Variants in RBMS2 observed in about 807,000 individuals in gnomAD.
RBMS2 encodes the protein RNA-binding motif, single-stranded-interacting protein 2.
RBMS2 carries 38 observed loss-of-function variants against 58.4 expected under a neutral mutation model. That is an observed-to-expected ratio of 0.65 (90% CI 0.50 to 0.85). RBMS2 has a LOEUF of 0.85. Among genes scored for constraint, RBMS2 ranks in the 40% least tolerant of loss-of-function variants. The pLI is 0.00. For missense variants in RBMS2, 367 were observed against 503.7 expected, an observed-to-expected ratio of 0.73 and a Z score of 2.60; for synonymous variants, 151 against 180.7, an observed-to-expected ratio of 0.84 and a Z score of 1.32.
intron 5 of RBMS2, chr12:56,573,141 A>C (rs1315412694): frequency 4.7e-5 from 46 of 984,356 alleles, no homozygotes; most frequent in Non-Finnish European, 5.4e-5. Flanking sequence ...TGGTCCGTGA[A>C]CACCCCCTTA....
intron 5 of RBMS2, among the ~76,000 whole-genome samples, chr12:56,579,550 T>C (rs192998780): frequency 0.013 from 1,901 of 150,848 alleles, 22 homozygotes; most frequent in Non-Finnish European, 0.016. Context: ...AGGAGAATGG[T>C]GTGAACCCAG....
Position 56,522,045 on chromosome 12 carries a change from A to G in RBMS2, c.22A>G (p.Arg8Gly). Residue 8 changes from arginine (R) to glycine (G), a missense_variant, in exon 1 of 14, where the codon AGG (arginine) becomes GGG (glycine). Transcript: ENST00000262031. MLLSVTS[R>G]PGISTFGYNR... The stretch of plus-strand genomic sequence containing the variant: ...GAAAATGCTGCTATCCGTGACTTCC[A>G]GGCCCGGGATTTCGACTTTTGGCTA... The G allele has an allele frequency of 1.9e-6, 3 of 1,590,856 alleles. No individual in the cohort carries two copies. The highest frequency in any genetic ancestry group is 2.6e-6 in the Non-Finnish European group (3 of 1,164,204).
At chr12:56,538,639 GC>G (rs59118564) in intron 1 of RBMS2, among the ~76,000 whole-genome samples, 7,597 of 151,740 alleles carry the variant, frequency 0.05, 632 homozygotes, top group African/African-American at 0.17. Context: ...CTGCCACCAA[GC>G]CCGGCTAATT....
intron 9 of RBMS2, among the ~76,000 whole-genome samples, chr12:56,582,434 T>G (rs899483243): frequency 6.6e-6 from 1 of 152,168 alleles, no homozygotes; most frequent in Non-Finnish European, 1.5e-5. Context: ...AATACACATA[T>G]GTATAGCATT....
Position 56,582,030 on chromosome 12 carries a change from T to A in RBMS2, c.780-29T>A, listed in dbSNP as rs771059388. ...CCCTTCCCTTGTGGTTTCCTGTGAC[T>A]CAGTACTGATTGAGGTTCCTTCCCA... On this transcript the variant is annotated intron_variant, in intron 8 of 13. Transcript: ENST00000262031. The A allele has an allele frequency of 1.1e-5, 18 of 1,578,144 alleles. No individual in the cohort carries two copies. In the Admixed American group the frequency reaches 3.1e-4, roughly 27 times the overall value.
chr12:56,561,764 C>CG (rs1880450133), intron 1 of RBMS2, among the ~76,000 whole-genome samples: 1 of 38,928 alleles, frequency 2.6e-5, no homozygotes, highest in African/African-American at 5.1e-5. Flanking sequence ...ATCCACCCCC[C>CG]CCCTCCTTGG....
At chr12:56,581,763 G>A (rs1017940495) in intron 7 of RBMS2, 70 bp from the exon 8 acceptor site, 1 of 1,539,478 alleles carries the variant, frequency 6.5e-7, no homozygotes, top group Non-Finnish European at 9.0e-7. Flanking sequence ...TCCCAGCCTT[G>A]GACATTCTGG....
chr12:56,586,789 G>A (rs1466737477), intron 9 of RBMS2, 60 bp from the exon 10 acceptor site: 1 of 1,395,186 alleles, frequency 7.2e-7, no homozygotes, highest in African/African-American at 1.4e-5. Context: ...AACATTATTA[G>A]ATCTGTGGGC....
At chr12:56,533,187 A>C (rs933237590) in intron 1 of RBMS2, among the ~76,000 whole-genome samples, 1 of 151,848 alleles carries the variant, frequency 6.6e-6, no homozygotes, top group Admixed American at 6.6e-5. Context: ...TGCAGCCTGG[A>C]ACTCCTGGGC....
chr12:56,565,369 G>GT (rs1565761018), intron 2 of RBMS2, among the ~76,000 whole-genome samples: 1 of 150,112 alleles, frequency 6.7e-6, no homozygotes, highest in African/African-American at 2.5e-5. Flanking sequence ...TATTTTTTTA[G>GT]TTTTTTTTCC....
chr12:56,543,018 G>A (rs1876425403), intron 1 of RBMS2, among the ~76,000 whole-genome samples: 1 of 151,944 alleles, frequency 6.6e-6, no homozygotes, highest in African/African-American at 2.4e-5. Flanking sequence ...CAATTCTCCT[G>A]TCTCAGCCTC....
Position 56,588,354 on chromosome 12 carries a change from T to C in RBMS2, c.1123T>C (p.Ser375Pro), listed in dbSNP as rs989211939. ...AYISQYTPVP[S>P]SSVSVEESSG... The stretch of plus-strand genomic sequence containing the variant: ...CATCTCCCAGTACACCCCTGTGCCT[T>C]CTTCCAGTGTTTCAGTCGAGGTAAG... The change falls in exon 12 of 14, where the codon TCT becomes CCT. Residue 375 changes from serine (S) to proline (P), a missense_variant. Physicochemically the swap from Ser to Pro is moderately conservative, Grantham distance 74. Coordinates refer to ENST00000262031, the MANE Select transcript of RBMS2 (RefSeq NM_002898.4). 1.2e-6 allele frequency: 2 copies of C among 1,613,304 alleles called. No homozygotes were observed. The highest frequency in any genetic ancestry group is 2.2e-5 in the East Asian group (1 of 44,880).
intron 1 of RBMS2, 91 bp from the exon 2 acceptor site, chr12:56,562,326 G>T: frequency 8.1e-7 from 1 of 1,237,386 alleles, no homozygotes; most frequent in Non-Finnish European, 1.1e-6. Context: ...TATATAGTTT[G>T]GAATCATTTT....
chr12:56,531,058 G>A (rs1175920120), intron 1 of RBMS2, among the ~76,000 whole-genome samples: 1 of 151,934 alleles, frequency 6.6e-6, no homozygotes, highest in Non-Finnish European at 1.5e-5. Context: ...GCCCCAGAGG[G>A]GACTGTTTTT....
intron 1 of RBMS2, among the ~76,000 whole-genome samples, chr12:56,525,956 C>T (rs1396736480): frequency 6.6e-6 from 1 of 151,998 alleles, no homozygotes. Flanking sequence ...AGCCACCACG[C>T]CCTACCTATA....
chr12:56,568,883 A>G, intron 2 of RBMS2, 92 bp from the exon 3 acceptor site: 1 of 1,097,444 alleles, frequency 9.1e-7, no homozygotes, highest in Non-Finnish European at 1.3e-6. Context: ...TAGATCATGG[A>G]AAGGGCATGG....
intron 1 of RBMS2, among the ~76,000 whole-genome samples, chr12:56,536,148 T>C (rs7303839): frequency 7.4e-6 from 1 of 135,476 alleles, no homozygotes; most frequent in Non-Finnish European, 1.5e-5. Context: ...TGCAGTGAGC[T>C]GAGATCACGC....
At chr12:56,575,453 C>T (rs1420473671) in intron 5 of RBMS2, among the ~76,000 whole-genome samples, 3 of 151,708 alleles carry the variant, frequency 2.0e-5, no homozygotes, top group Non-Finnish European at 4.4e-5. Flanking sequence ...TAAATCAATA[C>T]AGGAATATGG....
At chr12:56,521,794 A>G, upstream of RBMS2, 1 of 527,046 alleles carries the variant, frequency 1.9e-6, no homozygotes, top group Non-Finnish European at 3.3e-6. Flanking sequence ...AGACTCTGTT[A>G]ACTTCTCTCA....
Sources: gnomAD v4.1 joint callset for allele counts (sites outside exome capture counted in the v4.1 genomes callset) on GRCh38, gnomAD v4.1.1 for gene constraint, MANE v1.5 for transcripts, NCBI Gene and HGNC (gene_info 2026-07-23, HGNC 2026-07-21) for gene names.